The following LRRC7 variants were observed in gnomAD, a reference collection of about 807,000 sequenced individuals.
LRRC7 encodes the protein leucine rich repeat containing 7, also known as leucine-rich repeat-containing protein 7.
LRRC7 carries 23 observed loss-of-function variants against 175.7 expected under a neutral mutation model. That is an observed-to-expected ratio of 0.13 (90% CI 0.09 to 0.19). The LOEUF (loss-of-function observed/expected upper bound fraction) is 0.19. Ranked by LOEUF, LRRC7 falls within the 10% of genes least tolerant of loss-of-function variation. LRRC7 has a pLI of 1.00. For missense variants in LRRC7, 1,354 were observed against 1,904.7 expected, an observed-to-expected ratio of 0.71 and a Z score of 5.38; for synonymous variants, 685 against 680.9, an observed-to-expected ratio of 1.01 and a Z score of -0.09.
intron 23 of LRRC7, among the ~76,000 whole-genome samples, chr1:70,062,445 A>C (rs756716053): frequency 6.6e-6 from 1 of 152,114 alleles, no homozygotes; most frequent in African/African-American, 2.4e-5. Flanking sequence ...TTTTCCAGAA[A>C]ATCAATAGAG....
chr1:69,780,369 G>T (rs1476879063), intron 3 of LRRC7, among the ~76,000 whole-genome samples: 2 of 152,110 alleles, frequency 1.3e-5, no homozygotes, highest in African/African-American at 4.8e-5. Flanking sequence ...AGCTGTATAC[G>T]TGAGGAAGGG....
chr1:69,719,472 A>G (rs1270555433), intron 2 of LRRC7, among the ~76,000 whole-genome samples: 1 of 151,698 alleles, frequency 6.6e-6, no homozygotes, highest in East Asian at 1.9e-4. Flanking sequence ...AAATAGGACT[A>G]AGAAGAAAAT....
chr1:69,987,108 G>A (rs1376655512), intron 10 of LRRC7, among the ~76,000 whole-genome samples: 1 of 152,180 alleles, frequency 6.6e-6, no homozygotes, highest in African/African-American at 2.4e-5. Context: ...GGGCATGGTG[G>A]TGCATGCCTG....
intron 8 of LRRC7, among the ~76,000 whole-genome samples, chr1:69,959,659 C>T (rs1650844906): frequency 6.6e-6 from 1 of 152,052 alleles, no homozygotes; most frequent in Non-Finnish European, 1.5e-5. Context: ...ACTGGAGCCA[C>T]AGAGATGAAC....
intron 1 of LRRC7, among the ~76,000 whole-genome samples, chr1:69,574,021 T>C (rs188315695): frequency 6.6e-6 from 1 of 152,268 alleles, no homozygotes; most frequent in East Asian, 1.9e-4. Flanking sequence ...GAAAGCATAC[T>C]TAACACAAGG....
chr1:70,073,305 T>C (rs556116019), intron 23 of LRRC7, among the ~76,000 whole-genome samples: 5 of 152,194 alleles, frequency 3.3e-5, no homozygotes, highest in Non-Finnish European at 7.4e-5. Context: ...ATCAGCATAA[T>C]CCTGAGCTCA....
Position 70,020,522 on chromosome 1 carries a change from G to A in LRRC7, c.1421-483G>A, listed in dbSNP as rs78272110. Among the ~76,000 whole-genome samples, 700 of 152,092 alleles carry A rather than the reference G, an allele frequency of 4.6e-3. 8 individuals are homozygous for A. Among genetic ancestry groups the A allele is most frequent in the African/African-American group, 0.016 (646 of 41,524 alleles). On this transcript the variant is annotated intron_variant, in intron 15 of 26. Transcript: ENST00000651989. ...AACTTTTATAAAAGAAATTTGTATAGAGTTTAGCAGTTACAAATAAGGATT... is the reference window on the plus strand; with the variant it reads ...AACTTTTATAAAAGAAATTTGTATAAAGTTTAGCAGTTACAAATAAGGATT...
intron 17 of LRRC7, among the ~76,000 whole-genome samples, chr1:70,025,624 T>C (rs1658007984): frequency 6.6e-6 from 1 of 152,160 alleles, no homozygotes; most frequent in South Asian, 2.1e-4. Context: ...GTAGGAAATA[T>C]ATTATCATTT....
At chr1:69,612,884 T>C (rs1649002084) in intron 1 of LRRC7, among the ~76,000 whole-genome samples, 1 of 151,974 alleles carries the variant, frequency 6.6e-6, no homozygotes, top group Non-Finnish European at 1.5e-5. Context: ...TTGCCCAAGA[T>C]CACATAGCAA....
intron 1 of LRRC7, among the ~76,000 whole-genome samples, chr1:69,646,892 T>A (rs954508103): frequency 6.6e-6 from 1 of 152,076 alleles, no homozygotes; most frequent in Non-Finnish European, 1.5e-5. Context: ...GCTATTCAGA[T>A]TGAGTACCCT....
intron 2 of LRRC7, among the ~76,000 whole-genome samples, chr1:69,717,238 A>G (rs1409317641): frequency 1.3e-5 from 2 of 151,750 alleles, no homozygotes; most frequent in Non-Finnish European, 3.0e-5. Flanking sequence ...TTAAAATTTT[A>G]TAGTAGTAGA....
chr1:69,655,280 T>G (rs1056781165), intron 1 of LRRC7, among the ~76,000 whole-genome samples: 2 of 152,100 alleles, frequency 1.3e-5, no homozygotes, highest in Non-Finnish European at 2.9e-5. Flanking sequence ...CTGTGTTTTA[T>G]TTTTTCTGTA....
At chr1:69,916,828 TAAAC>T (rs1344421656) in intron 7 of LRRC7, among the ~76,000 whole-genome samples, 4 of 151,964 alleles carry the variant, frequency 2.6e-5, no homozygotes, top group African/African-American at 9.7e-5. Flanking sequence ...AAACAACAAA[TAAAC>T]AAATAAAAAC....
At chr1:69,637,079 T>C (rs973532385) in intron 1 of LRRC7, among the ~76,000 whole-genome samples, 1 of 150,926 alleles carries the variant, frequency 6.6e-6, no homozygotes, top group African/African-American at 2.4e-5. Context: ...CCCTTCTCTC[T>C]TTCTCTCTCT....
intron 2 of LRRC7, among the ~76,000 whole-genome samples, chr1:69,682,580 T>C (rs1430788521): frequency 1.3e-5 from 2 of 152,152 alleles, no homozygotes; most frequent in African/African-American, 2.4e-5. Flanking sequence ...TAAAACCCAA[T>C]TGATGTTATA....
At chr1:69,927,167 C>T (rs1647104977) in intron 7 of LRRC7, among the ~76,000 whole-genome samples, 1 of 152,196 alleles carries the variant, frequency 6.6e-6, no homozygotes, top group Admixed American at 6.5e-5. Context: ...AAGTTTCTGC[C>T]AAGAGATCCC....
chr1:69,670,168 G>A (rs1166540044), intron 1 of LRRC7, among the ~76,000 whole-genome samples: 1 of 152,084 alleles, frequency 6.6e-6, no homozygotes, highest in African/African-American at 2.4e-5. Context: ...CCATTGAAGA[G>A]TTAGATATTT....
At chr1:70,101,141 GA>G (rs1284847830) in intron 25 of LRRC7, among the ~76,000 whole-genome samples, 4 of 151,920 alleles carry the variant, frequency 2.6e-5, no homozygotes, top group South Asian at 2.1e-4. Flanking sequence ...TACTTTTTTA[GA>G]AAAAAAGTTT....
At chr1:69,808,641 A>G (rs1677425568) in intron 4 of LRRC7, among the ~76,000 whole-genome samples, 1 of 152,166 alleles carries the variant, frequency 6.6e-6, no homozygotes, top group Non-Finnish European at 1.5e-5. Context: ...AGGAAACTGA[A>G]CAACCTGCTC....
Sources: gnomAD v4.1 joint callset for allele counts (sites outside exome capture counted in the v4.1 genomes callset) on GRCh38, gnomAD v4.1.1 for gene constraint, MANE v1.5 for transcripts, NCBI Gene and HGNC (gene_info 2026-07-23, HGNC 2026-07-21) for gene names.